Variants in TCF3 observed in about 807,000 individuals in gnomAD.
TCF3 encodes the protein transcription factor 3.
A neutral mutation model predicts 72.3 loss-of-function variants in TCF3; 54 were observed. That is an observed-to-expected ratio of 0.75 (90% CI 0.60 to 0.94). The LOEUF (loss-of-function observed/expected upper bound fraction) is 0.94, where lower values mean the gene tolerates loss of function less well. Ranked by LOEUF, TCF3 falls within the 40% of genes least tolerant of loss-of-function variation. TCF3 has a pLI of 0.00. For missense variants in TCF3, 1,078 were observed against 934.4 expected (o/e 1.15, Z -2.00); for synonymous variants, 525 against 412.6 (o/e 1.27, Z -3.30).
chr19:1,651,923 C>T (rs2067159837), intron 1 of TCF3, among the ~76,000 whole-genome samples: 1 of 151,272 alleles, frequency 6.6e-6, no homozygotes, highest in Non-Finnish European at 1.5e-5. Context: ...GCCGGGCCCC[C>T]CTCTACCCGA....
chr19:1,621,222 G>A (rs1483929665), intron 11 of TCF3, 31 bp from the exon 12 acceptor site: 4 of 1,529,178 alleles, frequency 2.6e-6, no homozygotes, highest in Non-Finnish European at 3.5e-6. Flanking sequence ...GGCCCACGCA[G>A]CCCGGCCTGG....
At chr19:1,642,856 C>T (rs116414475) in intron 3 of TCF3, among the ~76,000 whole-genome samples, 2,547 of 152,302 alleles carry the variant, frequency 0.017, 74 homozygotes, top group African/African-American at 0.058. Flanking sequence ...ATGACCCATG[C>T]GCCAGGTTCT....
intron 3 of TCF3, among the ~76,000 whole-genome samples, chr19:1,638,309 C>A (rs2033509234): frequency 6.6e-6 from 1 of 152,200 alleles, no homozygotes; most frequent in African/African-American, 2.4e-5. Context: ...TTTAATGATA[C>A]AAATGTTTCC....
chr19:1,629,605 G>A (rs930381560), intron 5 of TCF3, among the ~76,000 whole-genome samples: 3 of 152,096 alleles, frequency 2.0e-5, no homozygotes, highest in African/African-American at 7.2e-5. Flanking sequence ...CAGTGTGGAG[G>A]GCCTGGGGCT....
At chr19:1,612,522 T>C in intron 18 of TCF3, 1 of 1,309,272 alleles carries the variant, frequency 7.6e-7, no homozygotes, top group Non-Finnish European at 1.1e-6. Context: ...ATCCAGCTAC[T>C]TGTGTTTGTG....
chr19:1,626,517 G>A (rs1304140942), intron 6 of TCF3, among the ~76,000 whole-genome samples: 2 of 152,048 alleles, frequency 1.3e-5, no homozygotes, highest in African/African-American at 2.4e-5. Context: ...CAGCGCCCAG[G>A]ACAGGGCCTT....
chr19:1,627,120 G>T (rs1038434449), intron 6 of TCF3, among the ~76,000 whole-genome samples: 5 of 152,172 alleles, frequency 3.3e-5, no homozygotes, highest in Admixed American at 2.0e-4. Flanking sequence ...GAGGGCAACC[G>T]AGCCCCTCCA....
At chr19:1,651,807 C>G (rs572716972) in intron 1 of TCF3, among the ~76,000 whole-genome samples, 32 of 151,662 alleles carry the variant, frequency 2.1e-4, no homozygotes, top group African/African-American at 6.0e-4. Context: ...GCGCCCCCCC[C>G]CGGCCCGCCC....
At position 1,632,479 on chromosome 19, in the gene TCF3, CAG is replaced by C. The variant is rs953639658; in HGVS notation, c.146-76_146-75del. ...CTCTAAAAGCTTCGGTTCATCATCT[CAG>C]GGGCAAACCTCAGTGGACCCGGGGG... On this transcript the variant is annotated intron_variant, in intron 3 of 18. Coordinates refer to ENST00000262965, the MANE Select transcript of TCF3 (RefSeq NM_003200.5). 1.4e-5 allele frequency: 21 copies of C among 1,481,430 alleles called. No homozygotes were observed. The African/African-American group carries it at 2.4e-4, about 17-fold the overall frequency. The allele number at this position is 1,481,430 out of a possible 1,614,324, so 91.8% of individuals were successfully genotyped here.
chr19:1,611,791 T>C lies in TCF3; in HGVS notation c.1881A>G (p.Ser627=), dbSNP rs758286435. ...CLKRREEEKV[S]GVVGDPQMVL... ...CCATCTGGGGGTCTCCAACCACACC[T>C]GACACCTTTTCCTCTTCTCGCCGTT... is the stretch of plus-strand genomic sequence containing the variant. The change falls in exon 19 of 19, where the codon TCA becomes TCG. Residue 627 remains serine, a synonymous_variant. Transcript: ENST00000262965. 6.2e-6 allele frequency: 10 copies of C among 1,613,690 alleles called. No homozygotes were observed. The highest frequency in any genetic ancestry group is 2.2e-5 in the East Asian group (1 of 44,856).
chr19:1,619,689 G>A (rs1022328343), intron 14 of TCF3, 91 bp downstream of exon 14: 55 of 1,136,470 alleles, frequency 4.8e-5, no homozygotes, highest in Non-Finnish European at 6.2e-5. Context: ...TTATTTACAA[G>A]AAACTAACAA....
chr19:1,638,346 AACAGAT>A (rs1258122327), intron 3 of TCF3, among the ~76,000 whole-genome samples: 2 of 152,238 alleles, frequency 1.3e-5, no homozygotes, highest in Non-Finnish European at 2.9e-5. Flanking sequence ...CACAATTATG[AACAGAT>A]ACAATGTTTT....
Position 1,619,241 on chromosome 19 carries a change from G to A in TCF3, c.1327-7C>T. On this transcript the variant is annotated splice_region_variant and splice_polypyrimidine_tract_variant and intron_variant, in intron 15 of 18. Coordinates refer to ENST00000262965, the MANE Select transcript of TCF3 (RefSeq NM_003200.5). ...CGGGGTGGCTGCCTCCAACCTGCAG[G>A]CGTGGGGAGACGGGTGCATCAGGGG... The A allele has an allele frequency of 1.3e-6, 2 of 1,589,822 alleles. No individual in the cohort carries two copies. The highest frequency in any genetic ancestry group is 1.1e-5 in the South Asian group (1 of 89,398).
At chr19:1,620,904 A>G (rs2146071489) in intron 13 of TCF3, 64 bp downstream of exon 13, 1 of 1,343,564 alleles carries the variant, frequency 7.4e-7, no homozygotes, top group Non-Finnish European at 9.7e-7. Context: ...CACAGACCTC[A>G]GCCTCCCCTC....
At chr19:1,629,477 C>T (rs1179582078) in intron 5 of TCF3, among the ~76,000 whole-genome samples, 3 of 152,002 alleles carry the variant, frequency 2.0e-5, no homozygotes, top group Non-Finnish European at 4.4e-5. Flanking sequence ...GGTCAGCTGG[C>T]CAGGGCGAGC....
At chr19:1,621,649 C>T (rs921487410) in intron 11 of TCF3, among the ~76,000 whole-genome samples, 189 bp downstream of exon 11, 2 of 152,200 alleles carry the variant, frequency 1.3e-5, no homozygotes, top group African/African-American at 2.4e-5. Context: ...AGATCTGTTT[C>T]CAGACATCCC....
In TCF3 at chr19:1,619,494, G is replaced by T; in HGVS notation, c.1168-20C>A. 6.4e-7 allele frequency: 1 copy of T among 1,558,324 alleles called. No individual in the cohort carries two copies. ...ACTCTGCTGCAGGGTGGGGGGATGG[G>T]TGGTGAGGGGCCCAAGCCGAGGGAC... On this transcript the variant is annotated intron_variant, in intron 14 of 18. Coordinates refer to ENST00000262965, the MANE Select transcript of TCF3 (RefSeq NM_003200.5).
chr19:1,639,331 A>G (rs1033928880), intron 3 of TCF3, among the ~76,000 whole-genome samples: 3 of 152,200 alleles, frequency 2.0e-5, no homozygotes, highest in Admixed American at 6.5e-5. Flanking sequence ...GGCATGAGCC[A>G]CCACCACCAG....
chr19:1,626,260 G>T (rs919299837), intron 6 of TCF3, among the ~76,000 whole-genome samples: 1 of 152,148 alleles, frequency 6.6e-6, no homozygotes, highest in African/African-American at 2.4e-5. Flanking sequence ...AGACCAGCCT[G>T]ACCAACATGG....
Sources: allele counts gnomAD v4.1 joint callset (sites outside exome capture counted in the v4.1 genomes callset), GRCh38; gene constraint gnomAD v4.1.1; transcripts MANE v1.5; gene names NCBI Gene and HGNC (gene_info 2026-07-23, HGNC 2026-07-21).